DORIP1: variants seen among roughly 807,000 people sequenced by gnomAD.
The protein encoded by DORIP1 is dopamine receptor-interacting protein 1.
At chr14:44,902,060 T>C in the DORIP1 span, among the ~76,000 whole-genome samples, 1 of 152,230 alleles carries the variant, frequency 6.6e-6, no homozygotes, top group Non-Finnish European at 1.5e-5. Context: ...CGTTCCCATT[T>C]GGAAATGTAT....
At chr14:44,907,018 A>G in the DORIP1 span, 4 of 152,538 alleles carry the variant, frequency 2.6e-5, no homozygotes, top group African/African-American at 9.7e-5. Flanking sequence ...ACCTGATTGC[A>G]TGAACTGAAG....
the DORIP1 span, chr14:44,904,137 CA>C: frequency 1.0e-6 from 1 of 985,234 alleles, no homozygotes; most frequent in Non-Finnish European, 1.2e-6. Flanking sequence ...GTTATGCTTT[CA>C]TAGGCTTATA....
the DORIP1 span, among the ~76,000 whole-genome samples, chr14:44,899,823 A>ATTTTTTTTTTTTT: frequency 7.4e-5 from 10 of 134,446 alleles, 1 homozygote; most frequent in East Asian, 6.0e-4. Flanking sequence ...TTCATTTAGG[A>ATTTTTTTTTTTTT]ATTTTTTTTT....
the DORIP1 span, among the ~76,000 whole-genome samples, chr14:44,898,636 T>C: frequency 6.6e-6 from 1 of 152,220 alleles, no homozygotes; most frequent in Non-Finnish European, 1.5e-5. Flanking sequence ...AACGAATCAG[T>C]ATCTATTACG....
the DORIP1 span, chr14:44,904,241 AG>A: frequency 6.1e-6 from 6 of 984,680 alleles, no homozygotes; most frequent in Non-Finnish European, 7.2e-6. Context: ...AGGTGATATA[AG>A]GTAGTAATTA....
the DORIP1 span, chr14:44,903,254 A>G: frequency 5.0e-6 from 8 of 1,613,546 alleles, no homozygotes; most frequent in Admixed American, 5.0e-5. Context: ...CTGGCTGTGA[A>G]TGAGTTATTC....
At chr14:44,900,817 A>T in the DORIP1 span, 1 of 1,614,144 alleles carries the variant, frequency 6.2e-7, no homozygotes, top group Non-Finnish European at 8.5e-7. Context: ...AGCTTCATTA[A>T]TAATTGATTT....
chr14:44,900,564 C>T, the DORIP1 span: 1 of 1,611,594 alleles, frequency 6.2e-7, no homozygotes. Context: ...AAGCAGTATC[C>T]TGTACACCAC....
the DORIP1 span, chr14:44,900,538 A>G: frequency 1.9e-6 from 3 of 1,605,624 alleles, no homozygotes; most frequent in Non-Finnish European, 2.5e-6. Context: ...TGTTTTTACT[A>G]TCAAAGCTGG....
the DORIP1 span, chr14:44,906,263 T>G: frequency 3.9e-5 from 6 of 151,986 alleles, no homozygotes; most frequent in African/African-American, 1.4e-4. Context: ...ATAACTATCT[T>G]AAATGTTTAT....
chr14:44,904,735 T>C, the DORIP1 span: 2 of 448,768 alleles, frequency 4.5e-6, no homozygotes, highest in Non-Finnish European at 7.3e-6. Context: ...GACTACAGAA[T>C]AGACAGAATT....
the DORIP1 span, chr14:44,900,718 T>C: frequency 3.7e-6 from 6 of 1,614,134 alleles, no homozygotes; most frequent in Non-Finnish European, 5.1e-6. Flanking sequence ...TTTTCTTTAC[T>C]TAATGGACAC....
chr14:44,904,471 C>T, the DORIP1 span: 1 of 1,612,172 alleles, frequency 6.2e-7, no homozygotes, highest in Non-Finnish European at 8.5e-7. Context: ...AAATATGCAA[C>T]ATTGGAAATC....
the DORIP1 span, among the ~76,000 whole-genome samples, chr14:44,901,372 G>C: frequency 6.6e-6 from 1 of 152,204 alleles, no homozygotes; most frequent in Non-Finnish European, 1.5e-5. Flanking sequence ...ATTTGTTAAA[G>C]TACAGAGCCT....
At chr14:44,901,965 T>C in the DORIP1 span, among the ~76,000 whole-genome samples, 136 of 152,268 alleles carry the variant, frequency 8.9e-4, no homozygotes, top group African/African-American at 3.2e-3. Flanking sequence ...AAGGGGATAA[T>C]TGCCAGTGGA....
the DORIP1 span, chr14:44,905,593 T>C: frequency 2.2e-6 from 3 of 1,346,900 alleles, no homozygotes; most frequent in Non-Finnish European, 3.0e-6. Flanking sequence ...CTGCCCATGC[T>C]CTCCCAGATG....
chr14:44,900,522 G>T, the DORIP1 span: 2 of 1,598,836 alleles, frequency 1.3e-6, no homozygotes, highest in South Asian at 1.1e-5. Flanking sequence ...TTCTTCCTTG[G>T]GGGGGTGTTT....
chr14:44,900,937 C>A, the DORIP1 span: 1 of 1,586,584 alleles, frequency 6.3e-7, no homozygotes, highest in Non-Finnish European at 8.5e-7. Flanking sequence ...GCAGGAGGAT[C>A]AGCAGCGCAC....
chr14:44,905,396 A>G, the DORIP1 span: 2 of 1,542,362 alleles, frequency 1.3e-6, no homozygotes, highest in South Asian at 1.2e-5. Context: ...ACATTATTTA[A>G]CAAAGAGGAA....
Sources: gnomAD v4.1 joint callset for allele counts (sites outside exome capture counted in the v4.1 genomes callset) on GRCh38, gnomAD v4.1.1 for gene constraint, MANE v1.5 for transcripts, NCBI Gene and HGNC (gene_info 2026-07-23, HGNC 2026-07-21) for gene names.